Variants in SORBS2 observed in about 807,000 individuals in gnomAD.
SORBS2 encodes sorbin and SH3 domain containing 2, also known as sorbin and SH3 domain-containing protein 2.
SORBS2 carries 46 observed loss-of-function variants against 97.7 expected under a neutral mutation model. That is an observed-to-expected ratio of 0.47 (90% confidence interval 0.37 to 0.60). The LOEUF is 0.60. Among genes scored for constraint, SORBS2 ranks in the 20% least tolerant of loss-of-function variants. The pLI, the probability that SORBS2 is intolerant of heterozygous loss-of-function variation, is 0.00. For synonymous variants in SORBS2, 476 were observed against 473.4 expected, an observed-to-expected ratio of 1.01 and a Z score of -0.07; for missense variants, 1,316 against 1,282.3, an observed-to-expected ratio of 1.03 and a Z score of -0.40.
rs114003776 is a variant in SORBS2, at chr4:185,719,709, G to A, written c.-197-40887C>T. ...TTCAATTGTTGAAATCATCCAAGAC[G>A]TGTTTCTAATCTACATTTTGAAAAC... is the stretch of plus-strand genomic sequence containing the variant. On this transcript the variant is annotated intron_variant, in intron 2 of 20. Transcript: ENST00000284776. Among the ~76,000 whole-genome samples the A allele has an allele frequency of 6.3e-3, 953 of 152,254 alleles. 5 individuals carry two copies. The highest frequency in any genetic ancestry group is 0.041 in the Middle Eastern group (12 of 294).
intron 5 of SORBS2, among the ~76,000 whole-genome samples, 155 bp downstream of exon 17, chr4:185,630,394 A>T (rs1290886109): frequency 6.6e-6 from 1 of 152,156 alleles, no homozygotes; most frequent in Non-Finnish European, 1.5e-5. Context: ...ATATAAAATG[A>T]TGCTGAAACA....
At chr4:185,743,274 C>G (rs1350121913) in intron 2 of SORBS2, among the ~76,000 whole-genome samples, 7 of 152,138 alleles carry the variant, frequency 4.6e-5, no homozygotes, top group Non-Finnish European at 1.0e-4. Context: ...TTTGAGCTCA[C>G]TAAATTTTGG....
At chr4:185,635,664 T>A (rs1421228881) in intron 4 of SORBS2, among the ~76,000 whole-genome samples, 1 of 152,146 alleles carries the variant, frequency 6.6e-6, no homozygotes, top group African/African-American at 2.4e-5. Context: ...AAATTCATTT[T>A]GTCAAATTTC....
intron 4 of SORBS2, among the ~76,000 whole-genome samples, chr4:185,631,400 T>A (rs1427443681): frequency 6.6e-6 from 1 of 152,218 alleles, no homozygotes; most frequent in African/African-American, 2.4e-5. Context: ...TGCTAAAATA[T>A]CTAAAAGGCA....
intron 2 of SORBS2, among the ~76,000 whole-genome samples, chr4:185,758,492 G>C (rs1304878303): frequency 6.6e-6 from 1 of 152,010 alleles, no homozygotes; most frequent in Non-Finnish European, 1.5e-5. Context: ...AAGTTTCTTA[G>C]CCTTTTTGTC....
At chr4:185,731,449 C>A (rs1033742674) in intron 2 of SORBS2, among the ~76,000 whole-genome samples, 4 of 131,310 alleles carry the variant, frequency 3.0e-5, no homozygotes, top group East Asian at 2.2e-4. Flanking sequence ...GTTCTCTCCC[C>A]CTCCCTCCCT....
chr4:185,587,480 TCTG>T, exon 15 of SORBS2: 1 of 672,714 alleles, frequency 1.5e-6, no homozygotes. Context: ...CGGCGGCTAC[TCTG>T]CTGGTGGTTT....
intron 4 of SORBS2, among the ~76,000 whole-genome samples, chr4:185,643,449 C>T (rs540035520): frequency 9.9e-5 from 15 of 152,168 alleles, no homozygotes; most frequent in South Asian, 2.1e-4. Flanking sequence ...AGATTTTGCT[C>T]GAAGGACAGT....
intron 1 of SORBS2, among the ~76,000 whole-genome samples, chr4:185,812,734 C>T (rs1423668554): frequency 6.6e-6 from 1 of 152,140 alleles, no homozygotes; most frequent in African/African-American, 2.4e-5. Flanking sequence ...ATCAGGTAGA[C>T]TATTTTAATA....
intron 2 of SORBS2, among the ~76,000 whole-genome samples, chr4:185,716,584 T>G (rs1011565664): frequency 1.3e-5 from 2 of 149,912 alleles, no homozygotes; most frequent in African/African-American, 2.5e-5. Context: ...TCAGGTTTTC[T>G]CTTGTATAAA....
At chr4:185,757,016 G>C (rs923500973) in intron 2 of SORBS2, 1 of 1,008,664 alleles carries the variant, frequency 9.9e-7, no homozygotes, top group African/African-American at 1.6e-5. Context: ...TCACAAAGAC[G>C]TGAGTGGCAT....
chr4:185,644,077 G>A (rs1412681271), intron 4 of SORBS2, among the ~76,000 whole-genome samples: 2 of 152,162 alleles, frequency 1.3e-5, no homozygotes, highest in African/African-American at 2.4e-5. Context: ...TGATGAGCTG[G>A]TCCTACACTG....
At chr4:185,806,174 T>G (rs910365986) in intron 1 of SORBS2, among the ~76,000 whole-genome samples, 4 of 152,238 alleles carry the variant, frequency 2.6e-5, no homozygotes, top group African/African-American at 9.6e-5. Flanking sequence ...GCCAGGCTGC[T>G]GCCTCTGTGG....
At chr4:185,899,795 G>A (rs889338085) in intron 1 of SORBS2, among the ~76,000 whole-genome samples, 2 of 152,166 alleles carry the variant, frequency 1.3e-5, no homozygotes, top group South Asian at 2.1e-4. Flanking sequence ...GGCTTCGCAC[G>A]TTCTTTACAG....
intron 2 of SORBS2, among the ~76,000 whole-genome samples, chr4:185,731,010 C>T (rs1433149940): frequency 6.6e-6 from 1 of 152,218 alleles, no homozygotes; most frequent in Non-Finnish European, 1.5e-5. Flanking sequence ...TCTCGGGGAA[C>T]AAATGACTCA....
intron 1 of SORBS2, among the ~76,000 whole-genome samples, chr4:185,840,608 A>G (rs1435440404): frequency 1.3e-5 from 2 of 152,196 alleles, no homozygotes; most frequent in Non-Finnish European, 2.9e-5. Flanking sequence ...AATACCAGCG[A>G]TGATCTCTGA....
chr4:185,751,219 T>C (rs1423701379), intron 2 of SORBS2, among the ~76,000 whole-genome samples: 1 of 118,938 alleles, frequency 8.4e-6, no homozygotes, highest in Non-Finnish European at 1.7e-5. Context: ...TCAGGAACTG[T>C]CCAGGTAGGA....
chr4:185,771,134 C>T (rs1252971415), intron 2 of SORBS2: 1 of 147,546 alleles, frequency 6.8e-6, no homozygotes, highest in African/African-American at 2.5e-5. Flanking sequence ...GTGTGCACCA[C>T]CATGCCTGGC....
Position 185,736,249 on chromosome 4 carries a change from A to G in SORBS2, c.-198+38978T>C, listed in dbSNP as rs1421959808. ...GTTTTGTCATCCTCAGAAATGACCAATCTTCATGAAGGTGGTGTTGTGCAA... is the reference window on the plus strand; with the variant it reads ...GTTTTGTCATCCTCAGAAATGACCAGTCTTCATGAAGGTGGTGTTGTGCAA... On this transcript the variant is annotated intron_variant, in intron 2 of 20. Coordinates refer to the SORBS2 transcript ENST00000284776. 2.6e-5 allele frequency among the ~76,000 whole-genome samples: 4 copies of G among 152,258 alleles called. No individual in the cohort carries two copies. The South Asian group carries it at 6.2e-4, about 24-fold the overall frequency.
Sources: gnomAD v4.1 joint callset for allele counts (sites outside exome capture counted in the v4.1 genomes callset) on GRCh38, gnomAD v4.1.1 for gene constraint, MANE v1.5 for transcripts, NCBI Gene and HGNC (gene_info 2026-07-23, HGNC 2026-07-21) for gene names.